TM4SF4: variants seen among roughly 807,000 people sequenced by gnomAD.
TM4SF4 encodes the protein transmembrane 4 L6 family member 4.
A neutral mutation model predicts 24.1 loss-of-function variants in TM4SF4; 24 were observed. The observed-to-expected ratio is 1.00, with a 90% confidence interval of 0.72 to 1.40. TM4SF4 has a LOEUF of 1.40. TM4SF4 is among the 40% of genes most tolerant of loss of function. The probability of loss-of-function intolerance (pLI) is 0.00; values close to 1 mark genes in which losing one functional copy is unlikely to be tolerated. For synonymous variants in TM4SF4, 113 were observed against 97.0 expected (o/e 1.17, Z -0.97); for missense variants, 254 against 254.2 (o/e 1.00, Z 0.01).
At chr3:149,476,783 T>A (rs577195990) in intron 2 of TM4SF4, among the ~76,000 whole-genome samples, 94 of 150,154 alleles carry the variant, frequency 6.3e-4, no homozygotes, top group African/African-American at 2.2e-3. Context: ...TCTTTCTTTT[T>A]TCTTTTCTGT....
In TM4SF4 at chr3:149,487,709, A is replaced by G; in HGVS notation, c.355A>G (p.Lys119Glu). 1 of 1,614,056 alleles carries G rather than the reference A, an allele frequency of 6.2e-7. No individual in the cohort carries two copies. The highest frequency in any genetic ancestry group is 8.5e-7 in the Non-Finnish European group (1 of 1,179,892). ...ISAISINKGP[K>E]CLMANSTWGY... is the part of the protein sequence containing the mutation. ...AGCCATTTCAATCAACAAGGGTCCT[A>G]AATGCCTCATGGCCAATAGTACATG... The change falls in exon 3 of 5, where the codon AAA (lysine) becomes GAA (glutamate). Residue 119 changes from lysine to glutamate, a missense_variant. Transcript: ENST00000305354.
chr3:149,488,054 C>T (rs973909457), intron 3 of TM4SF4, among the ~76,000 whole-genome samples: 6 of 152,188 alleles, frequency 3.9e-5, no homozygotes, highest in Non-Finnish European at 7.3e-5. Context: ...TTATTAGCAG[C>T]AACACAAGGC....
At chr3:149,490,460 C>T (rs1005730368) in intron 3 of TM4SF4, among the ~76,000 whole-genome samples, 1 of 152,210 alleles carries the variant, frequency 6.6e-6, no homozygotes, top group Non-Finnish European at 1.5e-5. Context: ...TTTAACTCTC[C>T]TTCAGAGGCA....
intron 2 of TM4SF4, among the ~76,000 whole-genome samples, chr3:149,483,537 AC>A (rs1325610232): frequency 2.6e-5 from 4 of 151,178 alleles, no homozygotes; most frequent in East Asian, 1.9e-4. Flanking sequence ...AAAAAAAAAA[AC>A]CAAAAACTTA....
At chr3:149,494,249 A>G (rs972096532) in intron 3 of TM4SF4, among the ~76,000 whole-genome samples, 1 of 152,102 alleles carries the variant, frequency 6.6e-6, no homozygotes, top group African/African-American at 2.4e-5. Flanking sequence ...GAGTGTGGCT[A>G]TGTGGTGGTT....
intron 3 of TM4SF4, among the ~76,000 whole-genome samples, chr3:149,490,735 A>T (rs1734194610): frequency 6.6e-6 from 1 of 152,216 alleles, no homozygotes; most frequent in Non-Finnish European, 1.5e-5. Flanking sequence ...TATCCACATA[A>T]GCATATAGTA....
intron 3 of TM4SF4, among the ~76,000 whole-genome samples, chr3:149,498,200 C>G (rs1734348131): frequency 6.6e-6 from 1 of 152,152 alleles, no homozygotes; most frequent in Non-Finnish European, 1.5e-5. Context: ...CACATTTGTA[C>G]TTTACATGGC....
At chr3:149,497,700 A>G (rs2107876289) in intron 3 of TM4SF4, among the ~76,000 whole-genome samples, 1 of 152,110 alleles carries the variant, frequency 6.6e-6, no homozygotes, top group East Asian at 1.9e-4. Context: ...GCTGGAGTGC[A>G]ATGGCATGAT....
chr3:149,498,740 G>C lies in TM4SF4; in HGVS notation c.420G>C (p.Glu140Asp), dbSNP rs1327276595. 1 of 1,613,912 alleles carries C rather than the reference G, an allele frequency of 6.2e-7. No individual in the cohort carries two copies. The highest frequency in any genetic ancestry group is 1.7e-5 in the Admixed American group (1 of 60,014). ...CCAACAGGGATTATCTCAATGATGA[G>C]GCCTTATGGAACAAGTGCCGAGAGC... is the stretch of plus-strand genomic sequence containing the variant. ...PFHDGDYLNDEALWNKCREPL... is the reference protein window; with the variant it reads ...PFHDGDYLNDDALWNKCREPL... Residue 140 changes from glutamate (E) to aspartate (D), a missense_variant, in exon 4 of 5, where the codon GAG becomes GAC. By Grantham distance (45) the Glu-to-Asp change is conservative. Coordinates refer to ENST00000305354, the MANE Select transcript of TM4SF4 (RefSeq NM_004617.4).
chr3:149,491,883 T>C (rs1734217194), intron 3 of TM4SF4, among the ~76,000 whole-genome samples: 1 of 152,100 alleles, frequency 6.6e-6, no homozygotes, highest in Non-Finnish European at 1.5e-5. Flanking sequence ...CAGAGCACTG[T>C]GTGGCAGAAG....
At chr3:149,476,181 A>G (rs1474852306) in intron 2 of TM4SF4, among the ~76,000 whole-genome samples, 2 of 152,260 alleles carry the variant, frequency 1.3e-5, no homozygotes, top group Non-Finnish European at 2.9e-5. Flanking sequence ...GAGGGGTCCC[A>G]TATACAGAAT....
At chr3:149,501,195 T>C (rs190971360) in intron 4 of TM4SF4, among the ~76,000 whole-genome samples, 44 of 152,350 alleles carry the variant, frequency 2.9e-4, no homozygotes, top group African/African-American at 1.1e-3. Flanking sequence ...ATACCATATT[T>C]TGGAGAACTT....
intron 3 of TM4SF4, among the ~76,000 whole-genome samples, chr3:149,493,842 GCATTGTGGAGCTT>G (rs1396289171): frequency 6.6e-6 from 1 of 152,226 alleles, no homozygotes; most frequent in Non-Finnish European, 1.5e-5. Flanking sequence ...GAGGGCAGAA[GCATTGTGGAGCTT>G]CTCCCAGAGG....
In TM4SF4 at chr3:149,475,810, C is replaced by T. The variant is rs765331124; in HGVS notation, c.175-13C>T. ...CTCCTGGACTCTCTCTGAGGTGCCT[C>T]TTCTCCTGGTAGATGATCTTCCCTG... On this transcript the variant is annotated splice_polypyrimidine_tract_variant and intron_variant, in intron 1 of 4. Transcript: ENST00000305354. The T allele has an allele frequency of 1.6e-5, 26 of 1,602,180 alleles. No homozygotes were observed. The highest frequency in any genetic ancestry group is 1.6e-4 in the Middle Eastern group (1 of 6,074).
At position 149,502,696 on chromosome 3, in the gene TM4SF4, C is replaced by T; in HGVS notation, c.*3C>T. ...TCTAGGGAGATGGACCCGTTTAAAC[C>T]TCCGAGATGAGCTGCTCAGACTCTA... On this transcript the variant is annotated 3_prime_UTR_variant, in exon 5 of 5. Coordinates refer to ENST00000305354, the MANE Select transcript of TM4SF4 (RefSeq NM_004617.4). 6.3e-7 allele frequency: 1 copy of T among 1,596,776 alleles called. No individual in the cohort carries two copies. The highest frequency in any genetic ancestry group is 1.3e-5 in the African/African-American group (1 of 74,592).
intron 2 of TM4SF4, among the ~76,000 whole-genome samples, chr3:149,479,160 A>G (rs1160240134): frequency 2.0e-5 from 3 of 152,064 alleles, no homozygotes; most frequent in Admixed American, 1.3e-4. Flanking sequence ...TGGCACCCCT[A>G]GCCTGCATTT....
intron 3 of TM4SF4, among the ~76,000 whole-genome samples, chr3:149,497,894 T>C (rs76571716): frequency 0.086 from 13,047 of 152,166 alleles, 1,108 homozygotes; most frequent in East Asian, 0.43. Flanking sequence ...ATCTGCCCAC[T>C]TTGGCCTCCC....
chr3:149,502,056 A>T (rs76195294), intron 4 of TM4SF4, among the ~76,000 whole-genome samples: 2 of 152,190 alleles, frequency 1.3e-5, no homozygotes, highest in African/African-American at 4.8e-5. Context: ...AATCCTTAGA[A>T]GGCTCAGTAA....
intron 3 of TM4SF4, among the ~76,000 whole-genome samples, chr3:149,498,312 G>C (rs1214717286): frequency 3.3e-5 from 5 of 152,154 alleles, no homozygotes; most frequent in African/African-American, 4.8e-5. Flanking sequence ...AAATTCTACT[G>C]CTGGAGTGTC....
Sources: gnomAD v4.1 joint callset for allele counts (sites outside exome capture counted in the v4.1 genomes callset) on GRCh38, gnomAD v4.1.1 for gene constraint, MANE v1.5 for transcripts, NCBI Gene and HGNC (gene_info 2026-07-23, HGNC 2026-07-21) for gene names.